Variants in ASAP1 observed in about 807,000 individuals in gnomAD.
ASAP1 encodes the protein arf-GAP with SH3 domain, ANK repeat and PH domain-containing protein 1.
A neutral mutation model predicts 145.2 loss-of-function variants in ASAP1; 43 were observed. That is an observed-to-expected ratio of 0.30 (90% CI 0.23 to 0.38). The LOEUF is 0.38. Among genes scored for constraint, ASAP1 ranks in the 10% least tolerant of loss-of-function variants. The probability of loss-of-function intolerance (pLI) is 1.00; values close to 1 mark genes in which losing one functional copy is unlikely to be tolerated. For missense variants in ASAP1, 1,018 were observed against 1,355.3 expected (o/e 0.75, Z 3.91); for synonymous variants, 546 against 515.5 (o/e 1.06, Z -0.80).
intron 3 of ASAP1, among the ~76,000 whole-genome samples, chr8:130,343,125 C>CTG (rs1402208700): frequency 6.6e-6 from 1 of 152,200 alleles, no homozygotes; most frequent in African/African-American, 2.4e-5. Flanking sequence ...CTGGCCATGT[C>CTG]TGGTCTTTAA....
chr8:130,324,923 C>T (rs910077258), intron 3 of ASAP1, among the ~76,000 whole-genome samples: 2 of 152,180 alleles, frequency 1.3e-5, no homozygotes, highest in African/African-American at 4.8e-5. Flanking sequence ...CAGTCTGCCT[C>T]GTAACCCCGA....
At chr8:130,312,416 C>T (rs1173751162) in intron 3 of ASAP1, among the ~76,000 whole-genome samples, 1 of 151,844 alleles carries the variant, frequency 6.6e-6, no homozygotes, top group Non-Finnish European at 1.5e-5. Flanking sequence ...CTAAATCTAA[C>T]ACACTTAAGC....
chr8:130,418,559 TAA>T (rs1354195234), intron 1 of ASAP1, among the ~76,000 whole-genome samples: 1 of 151,318 alleles, frequency 6.6e-6, no homozygotes, highest in Non-Finnish European at 1.5e-5. Flanking sequence ...AATAAATAAA[TAA>T]ATAAATAAAT....
intron 24 of ASAP1, among the ~76,000 whole-genome samples, chr8:130,107,368 G>T (rs1252605778): frequency 6.6e-6 from 1 of 151,638 alleles, no homozygotes; most frequent in East Asian, 1.9e-4. Flanking sequence ...TGTATTTTTA[G>T]TAGAGACAGG....
intron 13 of ASAP1, among the ~76,000 whole-genome samples, chr8:130,148,526 G>T (rs749976805): frequency 6.6e-6 from 1 of 152,166 alleles, no homozygotes; most frequent in African/African-American, 2.4e-5. Flanking sequence ...AGTGCAGGGT[G>T]CATTCTAAGT....
At chr8:130,354,459 T>C (rs943347205) in intron 3 of ASAP1, among the ~76,000 whole-genome samples, 5 of 152,190 alleles carry the variant, frequency 3.3e-5, no homozygotes, top group Admixed American at 6.5e-5. Context: ...AATAACCAAG[T>C]AGACTTCCAT....
chr8:130,337,667 A>T (rs986678889), intron 3 of ASAP1, among the ~76,000 whole-genome samples: 1 of 152,188 alleles, frequency 6.6e-6, no homozygotes, highest in African/African-American at 2.4e-5. Context: ...GCCAAACCTC[A>T]TCCACAACTT....
At chr8:130,197,439 C>T (rs1815573682) in intron 5 of ASAP1, among the ~76,000 whole-genome samples, 1 of 152,032 alleles carries the variant, frequency 6.6e-6, no homozygotes, top group Non-Finnish European at 1.5e-5. Flanking sequence ...ACAGAACAGA[C>T]TGTCTCAAAA....
At chr8:130,152,631 C>T in intron 13 of ASAP1, 105 bp downstream of exon 13, 5 of 575,400 alleles carry the variant, frequency 8.7e-6, no homozygotes, top group South Asian at 7.3e-5. Context: ...CTAAAATGAT[C>T]TGACCCAAAT....
At position 130,267,123 on chromosome 8, in the gene ASAP1, C is replaced by CA. The variant is rs759131217; in HGVS notation, c.187-30130dup. Among the ~76,000 whole-genome samples the CA allele has an allele frequency of 3.5e-3, 365 of 104,058 alleles. 2 individuals carry two copies. The highest frequency in any genetic ancestry group is 6.4e-3 in the East Asian group (12 of 1,886). 68.3% of individuals were successfully genotyped at this position (104,058 alleles called of 152,430 possible). ...GTCTCAAAACAAACAAACAAACAAA[C>CA]AAAAAAAAAACAAAACAAAAAACAA... On this transcript the variant is annotated intron_variant, in intron 3 of 29. Coordinates refer to ENST00000518721, the MANE Select transcript of ASAP1 (RefSeq NM_018482.4).
At chr8:130,213,687 C>T (rs1325363659) in intron 5 of ASAP1, among the ~76,000 whole-genome samples, 1 of 152,174 alleles carries the variant, frequency 6.6e-6, no homozygotes, top group Non-Finnish European at 1.5e-5. Flanking sequence ...CCTTTGGCAC[C>T]TTTCAACCTC....
chr8:130,187,420 A>AT (rs201930107), intron 6 of ASAP1, 135 bp from the exon 7 acceptor site: 34,621 of 559,094 alleles, frequency 0.062, 26 homozygotes, highest in East Asian at 0.092. Flanking sequence ...ACGTTACACC[A>AT]TTTTTTTTTT....
chr8:130,437,174 T>A (rs901043044), intron 1 of ASAP1, among the ~76,000 whole-genome samples: 9 of 152,042 alleles, frequency 5.9e-5, no homozygotes, highest in Admixed American at 1.3e-4. Context: ...GTAACACAGC[T>A]AAGCAGCTGA....
intron 2 of ASAP1, among the ~76,000 whole-genome samples, chr8:130,372,015 G>C (rs1193811171): frequency 6.6e-6 from 1 of 152,140 alleles, no homozygotes; most frequent in Non-Finnish European, 1.5e-5. Context: ...TCTGTGTTTG[G>C]GATTGTATAT....
chr8:130,095,169 C>T (rs563747478), intron 24 of ASAP1, among the ~76,000 whole-genome samples: 1 of 152,058 alleles, frequency 6.6e-6, no homozygotes, highest in African/African-American at 2.4e-5. Context: ...TTACTTGTTA[C>T]CTGACTCTCC....
chr8:130,401,384 TAC>T (rs746153765), intron 2 of ASAP1, among the ~76,000 whole-genome samples: 36 of 151,714 alleles, frequency 2.4e-4, no homozygotes, highest in Middle Eastern at 3.4e-3. Context: ...TAGCTGAGAT[TAC>T]AGTCACATGC....
chr8:130,116,942 C>G lies in ASAP1; in HGVS notation c.1934G>C (p.Ser645Thr). The G allele has an allele frequency of 6.2e-7, 1 of 1,613,886 alleles. No individual in the cohort carries two copies. The highest frequency in any genetic ancestry group is 1.7e-5 in the Admixed American group (1 of 59,980). ...ALGNTVLHYC[S>T]MYSKPECLKL... is the part of the protein sequence containing the mutation. ...CAAACACTCAGGTTTACTGTACATA[C>G]TACAGTAGTGTAGAACTGTGTTTCC... is the stretch of plus-strand genomic sequence containing the variant. Residue 645 changes from serine (S) to threonine (T), a missense_variant, in exon 21 of 30, where the codon AGT (serine) becomes ACT (threonine). Physicochemically the swap from Ser to Thr is moderately conservative, Grantham distance 58. This residue lies in a region of ASAP1 where 353 missense variants were observed against 375.4 expected (regional missense o/e 0.94). Transcript: ENST00000518721.
At chr8:130,076,532 T>C (rs1163785971) in intron 26 of ASAP1, 126 bp from the exon 27 acceptor site, 8 of 739,972 alleles carry the variant, frequency 1.1e-5, no homozygotes, top group Non-Finnish European at 1.7e-5. Context: ...AAAATTTCCT[T>C]TTTTTTTGAG....
chr8:130,392,453 A>G (rs372424201), intron 2 of ASAP1, among the ~76,000 whole-genome samples: 14 of 152,384 alleles, frequency 9.2e-5, no homozygotes, highest in African/African-American at 3.1e-4. Flanking sequence ...ATAACTAACA[A>G]TAACAATTAG....
Sources: gnomAD v4.1 joint callset for allele counts (sites outside exome capture counted in the v4.1 genomes callset) on GRCh38, gnomAD v4.1.1 for gene constraint, gnomAD v4.1.1 regional missense constraint, MANE v1.5 for transcripts, NCBI Gene and HGNC (gene_info 2026-07-23, HGNC 2026-07-21) for gene names.